GOLPH3: variants seen among roughly 807,000 people sequenced by gnomAD.
GOLPH3 encodes the protein coat protein GPP34.
GOLPH3 carries 14 observed loss-of-function variants against 28.5 expected under a neutral mutation model. The ratio of observed to expected loss-of-function variants is 0.49; its 90% CI spans 0.32 to 0.77. GOLPH3 has a LOEUF of 0.77. GOLPH3 is among the 30% of genes least tolerant of loss of function. GOLPH3 has a pLI of 0.03. For synonymous variants in GOLPH3, 158 were observed against 159.2 expected, an observed-to-expected ratio of 0.99 and a Z score of 0.06; for missense variants, 350 against 393.7, an observed-to-expected ratio of 0.89 and a Z score of 0.94.
intron 2 of GOLPH3, among the ~76,000 whole-genome samples, chr5:32,142,841 C>CA (rs1203296264): frequency 6.7e-6 from 1 of 148,884 alleles, no homozygotes; most frequent in East Asian, 2.0e-4. Flanking sequence ...GGGTCAGCCC[C>CA]CCGCCCGGCC....
rs774935188 is a variant in GOLPH3, at chr5:32,143,857, G to A, written c.249C>T (p.Asp83=). The change falls in exon 2 of 4, where the codon GAC becomes GAT. Residue 83 remains aspartate, a synonymous_variant. Coordinates refer to ENST00000265070, the MANE Select transcript of GOLPH3 (RefSeq NM_022130.4). The stretch of plus-strand genomic sequence containing the variant: ...AGCCACGTAATCCAGATGATATACA[G>A]TCATTCCAAAATGATGTGTAACCCT... ...DREGYTSFWN[D]CISSGLRGCM... The A allele has an allele frequency of 5.7e-6, 9 of 1,575,296 alleles. No individual in the cohort carries two copies. The Admixed American group carries it at 1.7e-4, about 31-fold the overall frequency.
intron 1 of GOLPH3, among the ~76,000 whole-genome samples, chr5:32,147,797 A>C (rs936869366): frequency 1.2e-4 from 19 of 152,212 alleles, no homozygotes; most frequent in African/African-American, 4.1e-4. Flanking sequence ...TATGAACCAC[A>C]AAGTAAAACA....
chr5:32,164,091 T>C (rs1386311018), intron 1 of GOLPH3, among the ~76,000 whole-genome samples: 1 of 152,200 alleles, frequency 6.6e-6, no homozygotes, highest in Admixed American at 6.5e-5. Flanking sequence ...AACTCATAAG[T>C]TCCTACACGC....
At chr5:32,143,209 G>A (rs2111857391) in intron 2 of GOLPH3, among the ~76,000 whole-genome samples, 1 of 152,204 alleles carries the variant, frequency 6.6e-6, no homozygotes, top group Middle Eastern at 3.4e-3. Context: ...AATGGATTAA[G>A]GGCGGTGCAA....
At chr5:32,131,626 T>C (rs1413273245) in intron 3 of GOLPH3, among the ~76,000 whole-genome samples, 1 of 152,240 alleles carries the variant, frequency 6.6e-6, no homozygotes, top group African/African-American at 2.4e-5. Flanking sequence ...GAAAAGACTT[T>C]ACAAGTTATA....
intron 2 of GOLPH3, among the ~76,000 whole-genome samples, chr5:32,139,515 A>G (rs1197571558): frequency 6.6e-6 from 1 of 152,192 alleles, no homozygotes; most frequent in African/African-American, 2.4e-5. Flanking sequence ...TTTTCAATCC[A>G]TTCTCCTCAC....
chr5:32,151,064 G>A (rs888662224), intron 1 of GOLPH3, among the ~76,000 whole-genome samples: 1 of 152,058 alleles, frequency 6.6e-6, no homozygotes, highest in Admixed American at 6.5e-5. Flanking sequence ...ATCTGGGAGT[G>A]AAAGAAAAAA....
intron 1 of GOLPH3, among the ~76,000 whole-genome samples, chr5:32,148,814 C>G (rs1001221222): frequency 6.6e-5 from 10 of 151,648 alleles, no homozygotes; most frequent in African/African-American, 2.4e-4. Context: ...ATAAAAAATA[C>G]AAAATACAAA....
chr5:32,137,325 T>C (rs1166454962), intron 2 of GOLPH3, among the ~76,000 whole-genome samples: 1 of 152,022 alleles, frequency 6.6e-6, no homozygotes, highest in South Asian at 2.1e-4. Context: ...ATAGCGTTGA[T>C]TACATAAATT....
chr5:32,129,818 A>C (rs2054481), intron 3 of GOLPH3, among the ~76,000 whole-genome samples: 2 of 152,090 alleles, frequency 1.3e-5, no homozygotes, highest in Non-Finnish European at 2.9e-5. Context: ...GTAGAGGCAC[A>C]CATCTTTCAA....
chr5:32,142,621 G>A (rs1402307872), intron 2 of GOLPH3, among the ~76,000 whole-genome samples: 1 of 135,388 alleles, frequency 7.4e-6, no homozygotes, highest in Admixed American at 7.4e-5. Context: ...CCCCCTGCCC[G>A]GCCAGCCGCC....
At chr5:32,134,899 T>C (rs1371352678) in intron 3 of GOLPH3, 4 of 152,196 alleles carry the variant, frequency 2.6e-5, no homozygotes, top group South Asian at 2.1e-4. Flanking sequence ...TAAATTCTGC[T>C]TATCTGTAAG....
At chr5:32,137,027 G>A (rs1484077860) in intron 2 of GOLPH3, among the ~76,000 whole-genome samples, 2 of 151,610 alleles carry the variant, frequency 1.3e-5, no homozygotes, top group African/African-American at 2.4e-5. Flanking sequence ...GCGCAATCTC[G>A]GCTCACTGCA....
At chr5:32,170,501 A>G (rs1561689088) in intron 1 of GOLPH3, among the ~76,000 whole-genome samples, 2 of 152,264 alleles carry the variant, frequency 1.3e-5, no homozygotes, top group Non-Finnish European at 2.9e-5. Context: ...AAAATCAGTT[A>G]AAGCAATGAG....
At chr5:32,150,235 T>C (rs935683380) in intron 1 of GOLPH3, among the ~76,000 whole-genome samples, 4 of 151,768 alleles carry the variant, frequency 2.6e-5, no homozygotes, top group African/African-American at 7.3e-5. Context: ...GCAAAACCTA[T>C]ATGAAAAGTT....
intron 1 of GOLPH3, among the ~76,000 whole-genome samples, chr5:32,165,855 A>G (rs957069562): frequency 1.3e-5 from 2 of 152,234 alleles, no homozygotes; most frequent in Admixed American, 6.5e-5. Flanking sequence ...GAGAACCTCT[A>G]GACAGGCCAC....
chr5:32,149,004 G>T (rs1746244239), intron 1 of GOLPH3, among the ~76,000 whole-genome samples: 1 of 152,086 alleles, frequency 6.6e-6, no homozygotes, highest in African/African-American at 2.4e-5. Flanking sequence ...AAAGGTGATT[G>T]TACTTGCCAA....
Position 32,174,197 on chromosome 5 carries a change from C to G in GOLPH3, c.-163G>C, listed in dbSNP as rs1031433476. ...CGGGGGCAGTCATGAGGAAACAGGT[C>G]AGGGCGAAGCGGGCTGGCCGGGCGT... On this transcript the variant is annotated 5_prime_UTR_variant, in exon 1 of 4. Transcript: ENST00000265070. 4 of 408,726 alleles carry G rather than the reference C, an allele frequency of 9.8e-6. No homozygotes were observed. The highest frequency in any genetic ancestry group is 4.6e-5 in the Admixed American group (1 of 21,936). The allele number at this position is 408,726 out of a possible 1,614,324, so 25.3% of individuals were successfully genotyped here. A position where few individuals can be genotyped will look rare whatever the true frequency, so the allele number is the denominator to read the frequency against.
chr5:32,160,456 A>C (rs1055144037), intron 1 of GOLPH3, among the ~76,000 whole-genome samples: 1 of 152,218 alleles, frequency 6.6e-6, no homozygotes, highest in Non-Finnish European at 1.5e-5. Context: ...AGAGGTGATA[A>C]AGATGACTAA....
Sources: gnomAD v4.1 joint callset for allele counts (sites outside exome capture counted in the v4.1 genomes callset) on GRCh38, gnomAD v4.1.1 for gene constraint, MANE v1.5 for transcripts, NCBI Gene and HGNC (gene_info 2026-07-23, HGNC 2026-07-21) for gene names.